Variants in TMEM132C observed in about 807,000 individuals in gnomAD.
TMEM132C encodes the protein protein phosphatase 1, regulatory subunit 152.
A neutral mutation model predicts 61.4 loss-of-function variants in TMEM132C; 29 were observed. The ratio of observed to expected loss-of-function variants is 0.47; its 90% CI spans 0.35 to 0.64. The LOEUF (loss-of-function observed/expected upper bound fraction) is 0.64. Ranked by LOEUF, TMEM132C falls within the 30% of genes least tolerant of loss-of-function variation. The probability of loss-of-function intolerance (pLI) is 0.00; values close to 1 mark genes in which losing one functional copy is unlikely to be tolerated. For synonymous variants in TMEM132C, 656 were observed against 633.1 expected, an observed-to-expected ratio of 1.04 and a Z score of -0.54; for missense variants, 1,408 against 1,476.9, an observed-to-expected ratio of 0.95 and a Z score of 0.76.
intron 5 of TMEM132C, 47 bp from the exon 6 acceptor site, chr12:128,693,782 A>G (rs1954736700): frequency 6.5e-7 from 1 of 1,544,382 alleles, no homozygotes. Flanking sequence ...ATTGTCTCCA[A>G]GGCTCCATGA....
chr12:128,339,257 A>G (rs1872883397), intron 1 of TMEM132C, among the ~76,000 whole-genome samples: 1 of 151,478 alleles, frequency 6.6e-6, no homozygotes, highest in East Asian at 1.9e-4. Flanking sequence ...AAAGGGGATC[A>G]AGTTACAGAG....
chr12:128,458,882 G>C (rs1378919486), intron 2 of TMEM132C, among the ~76,000 whole-genome samples: 1 of 152,198 alleles, frequency 6.6e-6, no homozygotes, highest in Non-Finnish European at 1.5e-5. Flanking sequence ...AACATCTCCA[G>C]AATTAGACAC....
rs1008339140 is a variant in TMEM132C at position 128,655,492 on chromosome 12, G to A, written c.1306-13925G>A. 7.9e-5 allele frequency among the ~76,000 whole-genome samples: 12 copies of A among 151,696 alleles called. No homozygotes were observed. In the South Asian group the frequency reaches 1.5e-3, roughly 19 times the overall value. The stretch of plus-strand genomic sequence containing the variant: ...TGAATCCAGAACCCACACTTCAAGC[G>A]CCCTCACTAATCAGCACGCCAGTCG... On this transcript the variant is annotated intron_variant, in intron 4 of 8. Coordinates refer to ENST00000435159, the MANE Select transcript of TMEM132C (RefSeq NM_001136103.3).
chr12:128,686,203 TGA>T (rs1200211926), intron 5 of TMEM132C, among the ~76,000 whole-genome samples: 1 of 152,180 alleles, frequency 6.6e-6, no homozygotes, highest in Non-Finnish European at 1.5e-5. Context: ...CAGTTACCCC[TGA>T]GTTTTCCCTG....
chr12:128,664,999 GCA>G (rs1320587617), intron 4 of TMEM132C, among the ~76,000 whole-genome samples: 1 of 138,254 alleles, frequency 7.2e-6, no homozygotes, highest in Non-Finnish European at 1.6e-5. Flanking sequence ...GCACCCATAT[GCA>G]CACAGGCACT....
At chr12:128,616,049 C>T in intron 3 of TMEM132C, 103 bp from the exon 4 acceptor site, 1 of 1,380,896 alleles carries the variant, frequency 7.2e-7, no homozygotes, top group Non-Finnish European at 9.7e-7. Context: ...GGAGCCATCC[C>T]TGAGATGTGT....
intron 2 of TMEM132C, among the ~76,000 whole-genome samples, chr12:128,416,047 A>G (rs1251510472): frequency 6.6e-6 from 1 of 152,188 alleles, no homozygotes; most frequent in East Asian, 1.9e-4. Context: ...ATATGTGAAA[A>G]GAGCCAAACA....
At chr12:128,635,562 C>T (rs1293191915) in intron 4 of TMEM132C, among the ~76,000 whole-genome samples, 3 of 149,378 alleles carry the variant, frequency 2.0e-5, no homozygotes, top group Non-Finnish European at 4.4e-5. Context: ...GTTCTTTGTG[C>T]CTTCCAAGCA....
chr12:128,322,540 A>G (rs1402483919), intron 1 of TMEM132C, among the ~76,000 whole-genome samples: 2 of 152,258 alleles, frequency 1.3e-5, no homozygotes, highest in Non-Finnish European at 2.9e-5. Context: ...AGGATGCTGG[A>G]CAGCAAAAAA....
chr12:128,616,841 G>C (rs529216727), intron 4 of TMEM132C, among the ~76,000 whole-genome samples: 1 of 152,162 alleles, frequency 6.6e-6, no homozygotes, highest in Non-Finnish European at 1.5e-5. Context: ...GAGTAGTGCA[G>C]CACCATCTAT....
intron 2 of TMEM132C, among the ~76,000 whole-genome samples, chr12:128,468,932 A>C (rs922190273): frequency 1.3e-5 from 2 of 152,216 alleles, no homozygotes; most frequent in Non-Finnish European, 2.9e-5. Flanking sequence ...ATCATGAATC[A>C]GACTCAATGT....
intron 1 of TMEM132C, among the ~76,000 whole-genome samples, chr12:128,349,607 A>G (rs1454869162): frequency 6.6e-6 from 1 of 152,058 alleles, no homozygotes. Flanking sequence ...ATTGCCCCCA[A>G]ATTTATTCTT....
intron 1 of TMEM132C, among the ~76,000 whole-genome samples, chr12:128,402,697 G>A (rs932462742): frequency 3.3e-5 from 5 of 152,156 alleles, no homozygotes; most frequent in African/African-American, 9.7e-5. Context: ...TGGAGGAATC[G>A]GCCACGTGGC....
intron 1 of TMEM132C, among the ~76,000 whole-genome samples, chr12:128,281,802 C>T (rs553748297): frequency 6.6e-6 from 1 of 152,354 alleles, no homozygotes; most frequent in South Asian, 2.1e-4. Context: ...TGGGTGGCCT[C>T]TGTTCAAGAT....
At chr12:128,606,231 C>T (rs1286800535) in intron 3 of TMEM132C, among the ~76,000 whole-genome samples, 1 of 152,238 alleles carries the variant, frequency 6.6e-6, no homozygotes, top group Non-Finnish European at 1.5e-5. Context: ...CCATGCAGGC[C>T]ACCTGCTGTG....
chr12:128,679,442 A>C (rs1398423807), intron 5 of TMEM132C, among the ~76,000 whole-genome samples: 1 of 152,248 alleles, frequency 6.6e-6, no homozygotes, highest in Admixed American at 6.5e-5. Context: ...GCTGGGATCC[A>C]GATTTGTTTT....
chr12:128,276,962 A>T (rs773357518), intron 1 of TMEM132C, among the ~76,000 whole-genome samples: 4 of 151,976 alleles, frequency 2.6e-5, no homozygotes, highest in African/African-American at 9.7e-5. Flanking sequence ...CAGCTTAGTG[A>T]TGATTTTAAG....
intron 1 of TMEM132C, 83 bp downstream of exon 1, chr12:128,267,570 C>G: frequency 9.2e-7 from 1 of 1,088,898 alleles, no homozygotes; most frequent in Non-Finnish European, 1.1e-6. Flanking sequence ...GCAGCCGAAG[C>G]GAGGGGTGCG....
chr12:128,701,013 C>T (rs377162533), intron 8 of TMEM132C, among the ~76,000 whole-genome samples: 109 of 152,240 alleles, frequency 7.2e-4, no homozygotes, highest in African/African-American at 2.4e-3. Context: ...CCAACTCAGC[C>T]GCCGCCAAGG....
Sources: allele counts gnomAD v4.1 joint callset (sites outside exome capture counted in the v4.1 genomes callset), GRCh38; gene constraint gnomAD v4.1.1; transcripts MANE v1.5; gene names NCBI Gene and HGNC (gene_info 2026-07-23, HGNC 2026-07-21).